DLGAP1: variants seen among roughly 807,000 people sequenced by gnomAD.
DLGAP1 encodes DLG associated protein 1.
Under a neutral mutation model 90.8 loss-of-function variants are expected in DLGAP1, and 11 were observed. That is an observed-to-expected ratio of 0.12 (90% CI 0.08 to 0.20). The LOEUF is 0.20. Among genes scored for constraint, DLGAP1 ranks in the 10% least tolerant of loss-of-function variants. DLGAP1 has a pLI of 1.00. For missense variants in DLGAP1, 1,050 were observed against 1,333.8 expected (o/e 0.79, Z 3.31); for synonymous variants, 558 against 540.7 (o/e 1.03, Z -0.44).
intron 2 of DLGAP1, among the ~76,000 whole-genome samples, chr18:4,063,462 T>C (rs1382003897): frequency 6.6e-6 from 1 of 152,084 alleles, no homozygotes; most frequent in Non-Finnish European, 1.5e-5. Flanking sequence ...CCCCAAAATA[T>C]ATTTTTTGAC....
At chr18:4,443,630 T>C (rs1439522897) in intron 1 of DLGAP1, among the ~76,000 whole-genome samples, 1 of 152,176 alleles carries the variant, frequency 6.6e-6, no homozygotes, top group Non-Finnish European at 1.5e-5. Flanking sequence ...TCCAAACGTA[T>C]TCAGTTAACA....
chr18:4,309,144 G>A (rs1221105419), intron 1 of DLGAP1, among the ~76,000 whole-genome samples: 1 of 152,294 alleles, frequency 6.6e-6, no homozygotes, highest in East Asian at 1.9e-4. Context: ...TTTCAACTAA[G>A]GGCTTGGTTA....
chr18:3,584,450 G>A (rs1188205117), intron 7 of DLGAP1, among the ~76,000 whole-genome samples: 2 of 152,184 alleles, frequency 1.3e-5, no homozygotes, highest in African/African-American at 4.8e-5. Flanking sequence ...ACCCTATAAT[G>A]AACAATAAAC....
chr18:4,336,239 G>A (rs542323142), intron 1 of DLGAP1, among the ~76,000 whole-genome samples: 104 of 152,258 alleles, frequency 6.8e-4, no homozygotes, highest in African/African-American at 2.4e-3. Flanking sequence ...TGCTTATTGG[G>A]CTATAAGTGA....
chr18:3,813,105 C>G (rs1047810091), intron 5 of DLGAP1, among the ~76,000 whole-genome samples: 8 of 152,122 alleles, frequency 5.3e-5, no homozygotes, highest in African/African-American at 1.4e-4. Flanking sequence ...CTGCGTAGCG[C>G]TATTCTTTGT....
chr18:3,980,594 T>C (rs2073707023), intron 3 of DLGAP1, among the ~76,000 whole-genome samples: 1 of 152,190 alleles, frequency 6.6e-6, no homozygotes, highest in Non-Finnish European at 1.5e-5. Context: ...TTCTGCCACA[T>C]AGCTTTCCTA....
chr18:4,103,219 T>C (rs1490465992), intron 2 of DLGAP1, among the ~76,000 whole-genome samples: 1 of 152,230 alleles, frequency 6.6e-6, no homozygotes, highest in Non-Finnish European at 1.5e-5. Context: ...ATGGAAACAC[T>C]TTCTGGCCCT....
intron 3 of DLGAP1, among the ~76,000 whole-genome samples, chr18:3,946,969 G>T (rs1229254050): frequency 6.6e-6 from 1 of 152,180 alleles, no homozygotes; most frequent in Non-Finnish European, 1.5e-5. Flanking sequence ...TTAGGGGGGA[G>T]ACTTACATGA....
chr18:3,782,280 G>T (rs1015551691), intron 5 of DLGAP1, among the ~76,000 whole-genome samples: 1 of 152,058 alleles, frequency 6.6e-6, no homozygotes, highest in Admixed American at 6.5e-5. Context: ...GGGATTACAG[G>T]TACGTGCCAC....
chr18:3,865,055 C>T (rs1197217334), intron 4 of DLGAP1, among the ~76,000 whole-genome samples: 1 of 151,954 alleles, frequency 6.6e-6, no homozygotes, highest in African/African-American at 2.4e-5. Flanking sequence ...TCTGGTCTCC[C>T]AAAAAGTAAG....
At chr18:3,501,830 G>A (rs187968020) in intron 12 of DLGAP1, among the ~76,000 whole-genome samples, 42 of 150,782 alleles carry the variant, frequency 2.8e-4, no homozygotes, top group African/African-American at 9.5e-4. Flanking sequence ...AATCAAATGT[G>A]AAAATTAGAG....
At chr18:4,082,943 C>A (rs540787574) in intron 2 of DLGAP1, among the ~76,000 whole-genome samples, 18 of 152,240 alleles carry the variant, frequency 1.2e-4, no homozygotes, top group Non-Finnish European at 2.4e-4. Context: ...AAATCCTTAA[C>A]AATTTTTGAG....
chr18:3,719,098 T>A (rs2061873480), intron 7 of DLGAP1, among the ~76,000 whole-genome samples: 1 of 152,098 alleles, frequency 6.6e-6, no homozygotes, highest in African/African-American at 2.4e-5. Flanking sequence ...CATGTATGTG[T>A]AGGAAATATT....
chr18:4,357,308 C>T (rs893129220), intron 1 of DLGAP1, among the ~76,000 whole-genome samples: 3 of 151,806 alleles, frequency 2.0e-5, no homozygotes, highest in Admixed American at 6.6e-5. Context: ...TGTGTGCCAC[C>T]ACGCCTGGCT....
chr18:3,751,301 T>C (rs925690077), intron 5 of DLGAP1, among the ~76,000 whole-genome samples: 39 of 152,158 alleles, frequency 2.6e-4, no homozygotes, highest in African/African-American at 8.9e-4. Flanking sequence ...TCATTTTCTT[T>C]CTTTTTTCTT....
At chr18:3,733,175 C>T (rs186279862) in intron 6 of DLGAP1, among the ~76,000 whole-genome samples, 8 of 152,266 alleles carry the variant, frequency 5.3e-5, no homozygotes, top group Admixed American at 4.6e-4. Context: ...ATTCTTTTCT[C>T]ATTTTTACAT....
At chr18:3,745,289 C>T (rs1219130233) in intron 5 of DLGAP1, among the ~76,000 whole-genome samples, 2 of 152,158 alleles carry the variant, frequency 1.3e-5, no homozygotes, top group Admixed American at 6.5e-5. Flanking sequence ...GGTTGCACAA[C>T]TCTGAATATA....
At chr18:3,585,184 C>G (rs1036944863) in intron 7 of DLGAP1, among the ~76,000 whole-genome samples, 2 of 152,240 alleles carry the variant, frequency 1.3e-5, no homozygotes, top group Admixed American at 1.3e-4. Flanking sequence ...CAGGAGCGAG[C>G]CAGCCAGCCT....
chr18:4,025,179 A>C (rs1015241969), intron 2 of DLGAP1, among the ~76,000 whole-genome samples: 1 of 152,182 alleles, frequency 6.6e-6, no homozygotes, highest in Non-Finnish European at 1.5e-5. Flanking sequence ...GACCCTGTCC[A>C]AGGTCATGTG....
Sources: allele counts gnomAD v4.1 joint callset (sites outside exome capture counted in the v4.1 genomes callset), GRCh38; gene constraint gnomAD v4.1.1; transcripts MANE v1.5; gene names NCBI Gene and HGNC (gene_info 2026-07-23, HGNC 2026-07-21).